Variants in CCNY observed in about 807,000 individuals in gnomAD.
CCNY encodes cyclin-Y.
CCNY carries 19 observed loss-of-function variants against 42.8 expected under a neutral mutation model. The observed-to-expected ratio is 0.44, with a 90% CI of 0.31 to 0.65. The LOEUF is 0.65. Among genes scored for constraint, CCNY ranks in the 30% least tolerant of loss-of-function variants. The probability of loss-of-function intolerance (pLI) is 0.07; values close to 1 mark genes in which losing one functional copy is unlikely to be tolerated. For missense variants in CCNY, 370 were observed against 437.3 expected, an observed-to-expected ratio of 0.85 and a Z score of 1.37; for synonymous variants, 165 against 162.7, an observed-to-expected ratio of 1.01 and a Z score of -0.11.
At chr10:35,560,263 A>AC (rs1841440672) in intron 8 of CCNY, among the ~76,000 whole-genome samples, 1 of 152,192 alleles carries the variant, frequency 6.6e-6, no homozygotes, top group African/African-American at 2.4e-5. Context: ...TCTGAAGGGC[A>AC]CGAAGGCAGT....
intron 2 of CCNY, among the ~76,000 whole-genome samples, chr10:35,486,361 T>C (rs1364030615): frequency 1.3e-5 from 2 of 152,256 alleles, no homozygotes; most frequent in Non-Finnish European, 2.9e-5. Flanking sequence ...AAACATTTAC[T>C]AGTACACCAT....
intron 3 of CCNY, among the ~76,000 whole-genome samples, chr10:35,266,444 A>T (rs1338397395): frequency 6.6e-6 from 1 of 151,822 alleles, no homozygotes; most frequent in Non-Finnish European, 1.5e-5. Context: ...TTTTTTGATC[A>T]CTTGGTGGAG....
chr10:35,299,814 CAT>C (rs1224706056), intron 3 of CCNY, among the ~76,000 whole-genome samples: 1 of 152,040 alleles, frequency 6.6e-6, no homozygotes, highest in Non-Finnish European at 1.5e-5. Context: ...CTATTTATAC[CAT>C]ATGTTTTTAT....
At chr10:35,465,268 T>A (rs1437045800) in intron 1 of CCNY, among the ~76,000 whole-genome samples, 1 of 152,168 alleles carries the variant, frequency 6.6e-6, no homozygotes, top group Non-Finnish European at 1.5e-5. Context: ...CACTGACCGA[T>A]GGCCCCTCCC....
intron 1 of CCNY, among the ~76,000 whole-genome samples, chr10:35,470,064 A>ACAG (rs1839358168): frequency 2.1e-5 from 3 of 144,468 alleles, no homozygotes; most frequent in Middle Eastern, 4.0e-3. Flanking sequence ...GGAGAGACAG[A>ACAG]TGAGATAGGG....
At chr10:35,428,060 T>A (rs998380444) in intron 1 of CCNY, among the ~76,000 whole-genome samples, 1 of 152,254 alleles carries the variant, frequency 6.6e-6, no homozygotes, top group African/African-American at 2.4e-5. Context: ...TGTATGTACA[T>A]TGTCAGATTT....
chr10:35,553,265 G>T (rs1448414024), intron 8 of CCNY, 80 bp downstream of exon 8: 1 of 1,439,512 alleles, frequency 6.9e-7, no homozygotes, highest in East Asian at 2.3e-5. Context: ...CTTTTTTAAT[G>T]GTCTGTATAG....
intron 3 of CCNY, among the ~76,000 whole-genome samples, chr10:35,275,410 A>G (rs1835226453): frequency 6.6e-6 from 1 of 151,840 alleles, no homozygotes; most frequent in South Asian, 2.1e-4. Context: ...AGAGGTTTCC[A>G]CTTGGCCTTC....
Position 35,451,706 on chromosome 10 carries a change from C to T in CCNY, c.155-31698C>T, listed in dbSNP as rs1638282787. On this transcript the variant is annotated intron_variant, in intron 1 of 9. Coordinates refer to ENST00000374704, the MANE Select transcript of CCNY (RefSeq NM_145012.6). ...CTCCTGAGGCCAGTCCCCCATAGTG[C>T]CTGGGCCACACGGGGCTGGGCCTGT... Among the ~76,000 whole-genome samples the T allele has an allele frequency of 2.0e-5, 3 of 152,204 alleles. 1 individual carries two copies. The highest frequency in any genetic ancestry group is 4.4e-5 in the Non-Finnish European group (3 of 68,032).
intron 3 of CCNY, among the ~76,000 whole-genome samples, chr10:35,286,480 G>A (rs1017875207): frequency 6.0e-5 from 9 of 150,472 alleles, no homozygotes; most frequent in East Asian, 2.0e-4. Context: ...TGCCTCAGCC[G>A]CCCAAGTACC....
chr10:35,424,302 C>T (rs1413177859), intron 1 of CCNY, among the ~76,000 whole-genome samples: 1 of 152,230 alleles, frequency 6.6e-6, no homozygotes, highest in Non-Finnish European at 1.5e-5. Flanking sequence ...TCTCGGCTCA[C>T]CGCAACCTCC....
intron 3 of CCNY, among the ~76,000 whole-genome samples, chr10:35,276,528 G>A (rs1835240584): frequency 6.6e-6 from 1 of 152,152 alleles, no homozygotes; most frequent in Non-Finnish European, 1.5e-5. Flanking sequence ...TGGGACAACA[G>A]GCGTGCATCA....
chr10:35,384,200 A>G (rs945325516), intron 1 of CCNY, among the ~76,000 whole-genome samples: 16 of 152,164 alleles, frequency 1.1e-4, no homozygotes, highest in Admixed American at 5.2e-4. Context: ...ATTAAGGACA[A>G]TGACGGGGAT....
At chr10:35,250,653 A>G (rs947811561) in intron 3 of CCNY, 1 of 152,374 alleles carries the variant, frequency 6.6e-6, no homozygotes, top group Non-Finnish European at 1.5e-5. Context: ...GTCAAGGTCA[A>G]TTCTGCCTAA....
chr10:35,562,673 C>T (rs1841489899), intron 8 of CCNY, among the ~76,000 whole-genome samples: 1 of 152,088 alleles, frequency 6.6e-6, no homozygotes, highest in South Asian at 2.1e-4. Flanking sequence ...CTGTATAATA[C>T]TTCACTGGGG....
At chr10:35,378,213 C>T (rs189539982) in intron 1 of CCNY, among the ~76,000 whole-genome samples, 95 of 152,240 alleles carry the variant, frequency 6.2e-4, no homozygotes, top group Non-Finnish European at 1.1e-3. Flanking sequence ...TGCAGATCTT[C>T]CAAATATTGA....
At chr10:35,514,384 C>A (rs1195917197) in intron 3 of CCNY, among the ~76,000 whole-genome samples, 1 of 152,194 alleles carries the variant, frequency 6.6e-6, no homozygotes, top group Non-Finnish European at 1.5e-5. Context: ...GGCAGATCAG[C>A]CCTTAGTTCT....
chr10:35,484,145 A>C (rs1687189257), intron 2 of CCNY, among the ~76,000 whole-genome samples: 1 of 152,214 alleles, frequency 6.6e-6, no homozygotes, highest in Non-Finnish European at 1.5e-5. Flanking sequence ...GGATTCCTAT[A>C]GAAAAAGGTG....
chr10:35,442,739 T>C (rs1424770864), intron 1 of CCNY, among the ~76,000 whole-genome samples: 1 of 152,226 alleles, frequency 6.6e-6, no homozygotes, highest in Non-Finnish European at 1.5e-5. Flanking sequence ...GGGCTATTGA[T>C]GTGGTTTGTG....
Sources: gnomAD v4.1 joint callset for allele counts (sites outside exome capture counted in the v4.1 genomes callset) on GRCh38, gnomAD v4.1.1 for gene constraint, MANE v1.5 for transcripts, NCBI Gene and HGNC (gene_info 2026-07-23, HGNC 2026-07-21) for gene names.